TRPM3: variants seen among roughly 807,000 people sequenced by gnomAD.
TRPM3 encodes the protein transient receptor potential cation channel subfamily M member 3.
Under a neutral mutation model 181.2 loss-of-function variants are expected in TRPM3, and 77 were observed. The observed-to-expected ratio is 0.42, with a 90% confidence interval of 0.35 to 0.51. The LOEUF (loss-of-function observed/expected upper bound fraction) is 0.51, where lower values mean the gene tolerates loss of function less well. Among genes scored for constraint, TRPM3 ranks in the 20% least tolerant of loss-of-function variants. TRPM3 has a pLI of 0.01. For synonymous variants in TRPM3, 745 were observed against 796.4 expected, an observed-to-expected ratio of 0.94 and a Z score of 1.09; for missense variants, 1,759 against 2,196.7, an observed-to-expected ratio of 0.80 and a Z score of 3.98.
chr9:70,804,459 AG>A (rs1301574713), intron 6 of TRPM3, among the ~76,000 whole-genome samples: 3 of 152,206 alleles, frequency 2.0e-5, no homozygotes, highest in Admixed American at 6.5e-5. Flanking sequence ...GTGTTAATAA[AG>A]TTGTTTGTTT....
At chr9:70,816,281 T>G (rs2092682715) in intron 6 of TRPM3, among the ~76,000 whole-genome samples, 1 of 152,242 alleles carries the variant, frequency 6.6e-6, no homozygotes, top group Non-Finnish European at 1.5e-5. Flanking sequence ...TCAAGAGCCC[T>G]TCAGGACTGT....
At chr9:70,919,597 A>G (rs1419712065) in intron 1 of TRPM3, among the ~76,000 whole-genome samples, 1 of 152,114 alleles carries the variant, frequency 6.6e-6, no homozygotes, top group African/African-American at 2.4e-5. Flanking sequence ...CAGCCTGGCC[A>G]ACATGGTGAA....
At chr9:71,159,049 A>G (rs1221551918) in intron 1 of TRPM3, among the ~76,000 whole-genome samples, 1 of 151,664 alleles carries the variant, frequency 6.6e-6, no homozygotes, top group Admixed American at 6.6e-5. Context: ...CAGGAAGCAG[A>G]CGGTGGGATC....
chr9:70,872,046 C>T (rs1321256189), intron 1 of TRPM3, among the ~76,000 whole-genome samples: 2 of 151,914 alleles, frequency 1.3e-5, no homozygotes, highest in African/African-American at 2.4e-5. Flanking sequence ...CTGGGATGTT[C>T]GCATTTGACA....
chr9:71,045,231 G>T (rs1211519176), intron 1 of TRPM3, among the ~76,000 whole-genome samples: 1 of 151,940 alleles, frequency 6.6e-6, no homozygotes, highest in Non-Finnish European at 1.5e-5. Context: ...CGAGTAGCTG[G>T]GACTACAGGG....
intron 1 of TRPM3, among the ~76,000 whole-genome samples, chr9:71,426,791 A>C (rs572867933): frequency 6.6e-6 from 1 of 152,132 alleles, no homozygotes; most frequent in Non-Finnish European, 1.5e-5. Context: ...CTGTGCTAAA[A>C]GTTGTAAAGT....
chr9:70,811,350 C>A, intron 6 of TRPM3: 1 of 943,550 alleles, frequency 1.1e-6, no homozygotes. Flanking sequence ...TACGTGATGG[C>A]AACTCAAGTT....
chr9:70,916,232 A>T (rs991959564), intron 1 of TRPM3, among the ~76,000 whole-genome samples: 1 of 152,242 alleles, frequency 6.6e-6, no homozygotes, highest in Non-Finnish European at 1.5e-5. Context: ...GACCTGTTCC[A>T]CAAGAAATGC....
intron 7 of TRPM3, among the ~76,000 whole-genome samples, chr9:70,773,594 G>A (rs968238293): frequency 2.7e-4 from 41 of 151,988 alleles, no homozygotes; most frequent in African/African-American, 8.9e-4. Flanking sequence ...CTCTATTTTT[G>A]TTACATGTTT....
In TRPM3 at chr9:71,310,141, A is replaced by T. The variant is rs373826835; in HGVS notation, c.183+136512T>A. On this transcript the variant is annotated intron_variant, in intron 1 of 24. Coordinates refer to the TRPM3 transcript ENST00000357533. Reference sequence around the variant, plus strand: ...GAAAGAAACAAGTCAAAAGCACAGGATAAGAATTTTAAATCAATGAAATTA... The same window carrying T: ...GAAAGAAACAAGTCAAAAGCACAGGTTAAGAATTTTAAATCAATGAAATTA... Among the ~76,000 whole-genome samples the T allele has an allele frequency of 3.9e-5, 6 of 152,108 alleles. No individual in the cohort carries two copies. The South Asian group carries it at 1.0e-3, about 26-fold the overall frequency.
At chr9:70,647,523 G>A (rs1029768897) in intron 9 of TRPM3, among the ~76,000 whole-genome samples, 2 of 152,062 alleles carry the variant, frequency 1.3e-5, no homozygotes, top group Non-Finnish European at 2.9e-5. Flanking sequence ...AACAAACTAG[G>A]CATTGAAGGA....
chr9:71,434,872 A>G (rs2094009640), intron 1 of TRPM3, among the ~76,000 whole-genome samples: 1 of 152,172 alleles, frequency 6.6e-6, no homozygotes, highest in African/African-American at 2.4e-5. Flanking sequence ...AGACACTTTT[A>G]TCAAAAATCA....
At chr9:71,226,367 C>T (rs2080651849) in intron 1 of TRPM3, among the ~76,000 whole-genome samples, 1 of 151,876 alleles carries the variant, frequency 6.6e-6, no homozygotes, top group African/African-American at 2.4e-5. Context: ...GGACTAAACT[C>T]TCCAATTGAA....
chr9:71,335,868 G>T (rs1169900216), intron 1 of TRPM3, among the ~76,000 whole-genome samples: 1 of 151,910 alleles, frequency 6.6e-6, no homozygotes, highest in African/African-American at 2.4e-5. Context: ...ATCCTTTTTG[G>T]CATCTGACTC....
intron 1 of TRPM3, among the ~76,000 whole-genome samples, chr9:71,442,212 CTG>C (rs998496171): frequency 2.0e-5 from 3 of 152,236 alleles, no homozygotes; most frequent in Non-Finnish European, 4.4e-5. Flanking sequence ...GTGTGATAAT[CTG>C]TGGTTGGTAC....
chr9:70,841,102 T>A (rs764098306), intron 5 of TRPM3, among the ~76,000 whole-genome samples: 2 of 152,144 alleles, frequency 1.3e-5, no homozygotes, highest in Admixed American at 6.6e-5. Context: ...TTTTGGCATA[T>A]TCTAATTCTT....
intron 1 of TRPM3, among the ~76,000 whole-genome samples, chr9:70,962,313 T>A (rs1394990056): frequency 6.6e-6 from 1 of 151,990 alleles, no homozygotes; most frequent in African/African-American, 2.4e-5. Context: ...CAGATGATAA[T>A]CTTCCCTAAA....
rs143710668 is a variant in TRPM3, at chr9:71,262,841, C to T, written c.183+183812G>A. Among the ~76,000 whole-genome samples the T allele has an allele frequency of 2.0e-3, 300 of 152,102 alleles. 3 individuals are homozygous for T. The highest frequency in any genetic ancestry group is 6.7e-3 in the African/African-American group (277 of 41,542). On this transcript the variant is annotated intron_variant, in intron 1 of 24. Coordinates refer to the TRPM3 transcript ENST00000357533. ...CCTGCTTCAGCTCACTCTCTGTGGG[C>T]TGCACTTACTAACCAGTCCCAATGA...
chr9:71,248,001 A>G (rs2082133728), intron 1 of TRPM3, among the ~76,000 whole-genome samples: 1 of 152,234 alleles, frequency 6.6e-6, no homozygotes, highest in Non-Finnish European at 1.5e-5. Flanking sequence ...AAAAGCTGAT[A>G]GACTGTCCTT....
Sources: gnomAD v4.1 joint callset for allele counts (sites outside exome capture counted in the v4.1 genomes callset) on GRCh38, gnomAD v4.1.1 for gene constraint, MANE v1.5 for transcripts, NCBI Gene and HGNC (gene_info 2026-07-23, HGNC 2026-07-21) for gene names.